ERC2: variants seen among roughly 807,000 people sequenced by gnomAD.
ERC2 encodes the protein ERC protein 2.
Under a neutral mutation model 114.8 loss-of-function variants are expected in ERC2, and 42 were observed. The observed-to-expected ratio is 0.37, with a 90% CI of 0.29 to 0.47. The LOEUF is 0.47. ERC2 is among the 20% of genes least tolerant of loss of function. The pLI is 0.99. For synonymous variants in ERC2, 454 were observed against 425.5 expected (o/e 1.07, Z -0.82); for missense variants, 939 against 1,150.7 (o/e 0.82, Z 2.66).
At chr3:55,675,206 G>A (rs1047361337) in intron 17 of ERC2, among the ~76,000 whole-genome samples, 1 of 152,166 alleles carries the variant, frequency 6.6e-6, no homozygotes, top group African/African-American at 2.4e-5. Context: ...AGAAAACAAA[G>A]CTAGAGGACA....
At chr3:56,051,482 C>CA (rs1184915668) in intron 7 of ERC2, among the ~76,000 whole-genome samples, 2 of 151,734 alleles carry the variant, frequency 1.3e-5, no homozygotes, top group Non-Finnish European at 2.9e-5. Flanking sequence ...ACTGAAATGC[C>CA]AAAAAAGAAG....
intron 17 of ERC2, among the ~76,000 whole-genome samples, chr3:55,555,852 G>GCTCGCTCAGAAAACGGGTCA (rs2055567123): frequency 6.6e-6 from 1 of 152,188 alleles, no homozygotes; most frequent in East Asian, 1.9e-4. Context: ...AATCCGCGCT[G>GCTCGCTCAGAAAACGGGTCA]CTCGCTCAGA....
chr3:55,762,988 T>C (rs901060567), intron 14 of ERC2, among the ~76,000 whole-genome samples: 1 of 142,304 alleles, frequency 7.0e-6, no homozygotes, highest in African/African-American at 2.6e-5. Context: ...TACATTACAA[T>C]CTAGTTGGAA....
intron 14 of ERC2, 44 bp downstream of exon 14, chr3:55,888,345 G>A (rs200345439): frequency 1.4e-5 from 22 of 1,602,604 alleles, no homozygotes; most frequent in Non-Finnish European, 1.8e-5. Context: ...ACTCTCAAGA[G>A]AGGCTAGAAG....
At chr3:55,602,976 C>T (rs948571282) in intron 17 of ERC2, among the ~76,000 whole-genome samples, 4 of 152,116 alleles carry the variant, frequency 2.6e-5, no homozygotes, top group Non-Finnish European at 1.5e-5. Context: ...CTGTCTTGTC[C>T]CTACTCACAA....
At chr3:55,779,333 A>AT (rs1188405677) in intron 14 of ERC2, among the ~76,000 whole-genome samples, 3 of 139,114 alleles carry the variant, frequency 2.2e-5, no homozygotes, top group African/African-American at 3.1e-5. Context: ...AATACAAAAA[A>AT]AAAAAAAAAA....
intron 1 of ERC2, among the ~76,000 whole-genome samples, chr3:56,458,909 G>C (rs370351237): frequency 6.6e-6 from 1 of 152,152 alleles, no homozygotes; most frequent in South Asian, 2.1e-4. Context: ...ACTGCTCCTC[G>C]AGGTGATGAC....
intron 3 of ERC2, among the ~76,000 whole-genome samples, chr3:56,214,315 A>G (rs1482369107): frequency 4.6e-5 from 7 of 151,538 alleles, no homozygotes; most frequent in Non-Finnish European, 1.0e-4. Context: ...GATGGAGCTG[A>G]AAACTACAGC....
intron 2 of ERC2, among the ~76,000 whole-genome samples, chr3:56,311,601 T>C (rs2056584880): frequency 6.6e-6 from 1 of 152,050 alleles, no homozygotes; most frequent in Non-Finnish European, 1.5e-5. Context: ...GCCTGGCCAA[T>C]ATTTTTTTCT....
At chr3:56,245,862 A>G (rs2051659857) in intron 3 of ERC2, among the ~76,000 whole-genome samples, 1 of 152,072 alleles carries the variant, frequency 6.6e-6, no homozygotes, top group Non-Finnish European at 1.5e-5. Context: ...TTTAAAAGCA[A>G]CAAAATTTCC....
At chr3:56,273,211 G>A (rs1391515539) in intron 3 of ERC2, among the ~76,000 whole-genome samples, 2 of 151,268 alleles carry the variant, frequency 1.3e-5, no homozygotes, top group East Asian at 3.9e-4. Flanking sequence ...ATTAGCAAAT[G>A]TGCCAAGATG....
chr3:55,587,487 T>C (rs1279517921), intron 17 of ERC2, among the ~76,000 whole-genome samples: 1 of 152,264 alleles, frequency 6.6e-6, no homozygotes, highest in Non-Finnish European at 1.5e-5. Context: ...AATATTTGTA[T>C]TGTATCCTTT....
intron 16 of ERC2, among the ~76,000 whole-genome samples, chr3:55,687,696 G>T (rs924799487): frequency 2.0e-5 from 3 of 152,194 alleles, no homozygotes; most frequent in African/African-American, 7.2e-5. Flanking sequence ...CTTCTCTAAA[G>T]CTTCTGAAAC....
chr3:56,401,196 A>C (rs756827978), intron 2 of ERC2, among the ~76,000 whole-genome samples: 5 of 152,236 alleles, frequency 3.3e-5, no homozygotes, highest in Admixed American at 6.5e-5. Flanking sequence ...CCTTTTTACC[A>C]ATAAACATTG....
intron 12 of ERC2, among the ~76,000 whole-genome samples, chr3:55,984,018 A>G (rs6797314): frequency 0.15 from 23,227 of 152,248 alleles, 1,954 homozygotes; most frequent in East Asian, 0.38. Flanking sequence ...GAGCTGCCCA[A>G]TTCTTCCTAC....
chr3:55,542,714 C>A (rs2054479774), intron 17 of ERC2, among the ~76,000 whole-genome samples: 1 of 152,206 alleles, frequency 6.6e-6, no homozygotes, highest in Admixed American at 6.5e-5. Flanking sequence ...TCATTGACAG[C>A]AGCTCTGGGT....
At chr3:56,420,860 G>A (rs1398781550) in intron 2 of ERC2, among the ~76,000 whole-genome samples, 6 of 150,378 alleles carry the variant, frequency 4.0e-5, no homozygotes, top group South Asian at 4.2e-4. Flanking sequence ...TCGCCCCACC[G>A]CACTCCAGCC....
intron 14 of ERC2, among the ~76,000 whole-genome samples, chr3:55,737,462 C>A (rs970561837): frequency 2.6e-5 from 4 of 152,266 alleles, no homozygotes; most frequent in Admixed American, 2.6e-4. Context: ...GACTTTAAAT[C>A]GGGGAGAGCC....
Position 56,053,237 on chromosome 3 carries a change from G to A in ERC2, c.1641+27580C>T, listed in dbSNP as rs140142874. Among the ~76,000 whole-genome samples, 193 of 152,314 alleles carry A rather than the reference G, an allele frequency of 1.3e-3. 2 individuals carry two copies. The highest frequency in any genetic ancestry group is 4.4e-3 in the African/African-American group (182 of 41,568). ...TGGTAAGAGGAGAAGTTAAAGGGAAGAGGCTGTGTGCCACGAGTGGGTAAA... is the reference window on the plus strand; with the variant it reads ...TGGTAAGAGGAGAAGTTAAAGGGAAAAGGCTGTGTGCCACGAGTGGGTAAA... On this transcript the variant is annotated intron_variant, in intron 7 of 17. Transcript: ENST00000288221.
Sources: allele counts gnomAD v4.1 joint callset (sites outside exome capture counted in the v4.1 genomes callset), GRCh38; gene constraint gnomAD v4.1.1; transcripts MANE v1.5; gene names NCBI Gene and HGNC (gene_info 2026-07-23, HGNC 2026-07-21).